The following DOCK4 variants were observed in gnomAD, a reference collection of about 807,000 sequenced individuals.
The protein encoded by DOCK4 is dedicator of cytokinesis protein 4.
A neutral mutation model predicts 268.1 loss-of-function variants in DOCK4; 97 were observed. The ratio of observed to expected loss-of-function variants is 0.36; its 90% CI spans 0.31 to 0.43. DOCK4 has a LOEUF of 0.43. Among genes scored for constraint, DOCK4 ranks in the 20% least tolerant of loss-of-function variants. The pLI is 1.00. For synonymous variants in DOCK4, 954 were observed against 887.2 expected (o/e 1.08, Z -1.34); for missense variants, 2,145 against 2,455.7 (o/e 0.87, Z 2.67).
chr7:111,929,752 G>A (rs138432279), intron 12 of DOCK4, among the ~76,000 whole-genome samples: 68 of 152,168 alleles, frequency 4.5e-4, no homozygotes, highest in Non-Finnish European at 7.2e-4. Context: ...TAGCTGGCAG[G>A]AATACAACCA....
chr7:111,851,892 G>T (rs1804593476), intron 23 of DOCK4, among the ~76,000 whole-genome samples: 1 of 150,870 alleles, frequency 6.6e-6, no homozygotes, highest in Non-Finnish European at 1.5e-5. Context: ...GCTACTAAAA[G>T]TGATAAGGAG....
intron 12 of DOCK4, among the ~76,000 whole-genome samples, chr7:111,916,160 C>T (rs1792569423): frequency 6.6e-6 from 1 of 152,140 alleles, no homozygotes; most frequent in African/African-American, 2.4e-5. Context: ...AGCCTGGCTT[C>T]CAACCCCCAA....
At chr7:111,833,210 TC>T (rs778875619) in intron 26 of DOCK4, among the ~76,000 whole-genome samples, 8 of 152,138 alleles carry the variant, frequency 5.3e-5, no homozygotes, top group Non-Finnish European at 1.2e-4. Flanking sequence ...AGTGGGTAAG[TC>T]CTAAGGCCTT....
intron 1 of DOCK4, among the ~76,000 whole-genome samples, chr7:112,035,407 T>C (rs550607994): frequency 2.6e-5 from 4 of 152,278 alleles, no homozygotes; most frequent in Admixed American, 1.3e-4. Context: ...TTTCGGTGAA[T>C]GTGTCACATT....
intron 1 of DOCK4, among the ~76,000 whole-genome samples, chr7:112,178,720 C>G (rs1021693173): frequency 6.6e-6 from 1 of 152,176 alleles, no homozygotes; most frequent in African/African-American, 2.4e-5. Context: ...TGGTTTTGCA[C>G]ACTTTTTAAA....
chr7:112,132,979 C>T (rs538042759), intron 1 of DOCK4, among the ~76,000 whole-genome samples: 49 of 152,300 alleles, frequency 3.2e-4, no homozygotes, highest in African/African-American at 1.0e-3. Context: ...AATCCAGAGA[C>T]TGGTATTCAG....
At chr7:112,201,659 G>T (rs1488014348) in intron 1 of DOCK4, among the ~76,000 whole-genome samples, 1 of 152,134 alleles carries the variant, frequency 6.6e-6, no homozygotes, top group Admixed American at 6.6e-5. Flanking sequence ...GGGGTGGGGA[G>T]GGGGGAGGAA....
At chr7:111,730,923 G>T (rs1177959747) in intron 52 of DOCK4, among the ~76,000 whole-genome samples, 1 of 152,092 alleles carries the variant, frequency 6.6e-6, no homozygotes, top group East Asian at 1.9e-4. Context: ...TAATGTTTAA[G>T]AATTAATCTC....
chr7:112,053,374 T>G (rs1254724267), intron 1 of DOCK4, among the ~76,000 whole-genome samples: 1 of 152,224 alleles, frequency 6.6e-6, no homozygotes, highest in Non-Finnish European at 1.5e-5. Flanking sequence ...TGTCTCATTT[T>G]TGTGACTCAG....
At chr7:112,040,291 C>G (rs1206562671) in intron 1 of DOCK4, among the ~76,000 whole-genome samples, 1 of 152,158 alleles carries the variant, frequency 6.6e-6, no homozygotes, top group Non-Finnish European at 1.5e-5. Context: ...AGGGGAAATT[C>G]TACCACATGT....
At chr7:111,827,165 C>T (rs1226621278) in intron 26 of DOCK4, among the ~76,000 whole-genome samples, 1 of 152,020 alleles carries the variant, frequency 6.6e-6, no homozygotes, top group African/African-American at 2.4e-5. Flanking sequence ...GGTTTGAATT[C>T]AATTAAAGGG....
At chr7:111,817,672 C>T (rs1462687200) in intron 27 of DOCK4, among the ~76,000 whole-genome samples, 2 of 152,298 alleles carry the variant, frequency 1.3e-5, no homozygotes, top group African/African-American at 2.4e-5. Flanking sequence ...AAGGACATTG[C>T]TCTTTTAATT....
Position 111,736,907 on chromosome 7 carries a change from C to G in DOCK4, c.5305+10G>C. The G allele has an allele frequency of 5.0e-6, 8 of 1,593,398 alleles. No homozygotes were observed. The highest frequency in any genetic ancestry group is 6.8e-6 in the Non-Finnish European group (8 of 1,169,272). ...ACACATTCCAGGACTGACCATGGGG[C>G]TGGCCTTACCTTTTTCAGGTGCAGA... On this transcript the variant is annotated intron_variant, in intron 50 of 52. Transcript: ENST00000428084.
chr7:111,935,715 A>G, intron 11 of DOCK4, 87 bp from the exon 12 acceptor site: 1 of 1,168,292 alleles, frequency 8.6e-7, no homozygotes, highest in Non-Finnish European at 1.3e-6. Flanking sequence ...TTTTCGTTAT[A>G]ACCACTATAA....
At chr7:111,794,731 A>G (rs1799774122) in intron 30 of DOCK4, among the ~76,000 whole-genome samples, 1 of 152,156 alleles carries the variant, frequency 6.6e-6, no homozygotes, top group Admixed American at 6.5e-5. Context: ...TCAACCTCCC[A>G]CTTACAGAGA....
At chr7:112,103,622 C>T (rs1810882008) in intron 1 of DOCK4, among the ~76,000 whole-genome samples, 2 of 152,186 alleles carry the variant, frequency 1.3e-5, no homozygotes, top group Non-Finnish European at 2.9e-5. Context: ...TGGCTCATGC[C>T]TGTAATCCCA....
chr7:112,176,917 CT>C (rs1305965102), intron 1 of DOCK4, among the ~76,000 whole-genome samples: 2 of 152,174 alleles, frequency 1.3e-5, no homozygotes, highest in Non-Finnish European at 2.9e-5. Context: ...TGTGAGAAGC[CT>C]TACCTACCAT....
intron 1 of DOCK4, among the ~76,000 whole-genome samples, chr7:112,090,508 G>C (rs1004750396): frequency 2.6e-5 from 4 of 152,124 alleles, no homozygotes; most frequent in Non-Finnish European, 5.9e-5. Context: ...CTAGTCATCT[G>C]CATATGTAAG....
chr7:111,876,437 A>G (rs548314264), intron 17 of DOCK4, among the ~76,000 whole-genome samples: 1 of 152,338 alleles, frequency 6.6e-6, no homozygotes, highest in South Asian at 2.1e-4. Context: ...ATTCTTCTCA[A>G]CATAATGAAT....
Sources: gnomAD v4.1 joint callset for allele counts (sites outside exome capture counted in the v4.1 genomes callset) on GRCh38, gnomAD v4.1.1 for gene constraint, MANE v1.5 for transcripts, NCBI Gene and HGNC (gene_info 2026-07-23, HGNC 2026-07-21) for gene names.